Variants in PPP1R35 observed in about 807,000 individuals in gnomAD.
PPP1R35 encodes the protein UPF0683 protein C7orf47.
PPP1R35 carries 23 observed loss-of-function variants against 22.2 expected under a neutral mutation model. The ratio of observed to expected loss-of-function variants is 1.04; its 90% CI spans 0.75 to 1.47. PPP1R35 has a LOEUF of 1.47. PPP1R35 is among the 40% of genes most tolerant of loss of function. The pLI is 0.00. For missense variants in PPP1R35, 409 were observed against 349.6 expected, an observed-to-expected ratio of 1.17 and a Z score of -1.36; for synonymous variants, 198 against 165.7, an observed-to-expected ratio of 1.19 and a Z score of -1.50.
In PPP1R35 at chr7:100,436,384, T is replaced by C; in HGVS notation, c.-10A>G. The C allele has an allele frequency of 1.3e-6, 2 of 1,496,022 alleles. No homozygotes were observed. 92.7% of individuals were successfully genotyped at this position (1,496,022 alleles called of 1,614,324 possible). A position where few individuals can be genotyped will look rare whatever the true frequency, so the allele number is the denominator to read the frequency against. On this transcript the variant is annotated 5_prime_UTR_variant, in exon 1 of 4. Coordinates refer to ENST00000292330, the MANE Select transcript of PPP1R35 (RefSeq NM_145030.4). ...CACAACCCATCATCATCTTTGGAGG[T>C]GCCTTGAGGGTGCGGGGATGCGGGG...
Position 100,436,198 on chromosome 7 carries a change from G to A in PPP1R35, c.177C>T (p.Ser59=), listed in dbSNP as rs1288766689. The part of the protein sequence containing the change: ...RPDSPQPRHG[S]PGRRKGRAER... Reference sequence around the variant, plus strand: ...CCGCCCGCCCCTTCCGCCGCCCGGGGCTGCCGTGCCGCGGCTGAGGGCTGT... The same window carrying A: ...CCGCCCGCCCCTTCCGCCGCCCGGGACTGCCGTGCCGCGGCTGAGGGCTGT... The change falls in exon 1 of 4, where the codon AGC becomes AGT. Residue 59 remains serine, a synonymous_variant. Coordinates refer to ENST00000292330, the MANE Select transcript of PPP1R35 (RefSeq NM_145030.4). 38 of 1,242,668 alleles carry A rather than the reference G, an allele frequency of 3.1e-5. No individual in the cohort carries two copies. Among genetic ancestry groups the A allele is most frequent in the Non-Finnish European group, 3.8e-5 (38 of 995,542 alleles). 77.0% of individuals were successfully genotyped at this position (1,242,668 alleles called of 1,614,324 possible). A position where few individuals can be genotyped will look rare whatever the true frequency, so the allele number is the denominator to read the frequency against.
rs774905855 is a variant in PPP1R35, at chr7:100,435,416, G to T, written c.706C>A (p.Arg236Ser). Residue 236 changes from arginine to serine, a missense_variant, in exon 4 of 4, where the codon CGC (arginine) becomes AGC (serine). Physicochemically the swap from Arg to Ser is moderately radical, Grantham distance 110 (BLOSUM62 -1). Coordinates refer to ENST00000292330, the MANE Select transcript of PPP1R35 (RefSeq NM_145030.4). Reference protein sequence around the residue: ...LPPLRLQLRPRPSEDTFLMHR... With the variant: ...LPPLRLQLRPSPSEDTFLMHR... ...ATGAGGAAGGTGTCCTCTGAAGGGC[G>T]GGGCCGGAGTTGAAGTCGGAGAGGG... 1.2e-6 allele frequency: 2 copies of T among 1,612,496 alleles called. No homozygotes were observed. Among genetic ancestry groups the T allele is most frequent in the South Asian group, 2.2e-5 (2 of 90,970 alleles).
chr7:100,435,560 G>A lies in PPP1R35; in HGVS notation c.589-27C>T, dbSNP rs372531094. 40 of 1,614,092 alleles carry A rather than the reference G, an allele frequency of 2.5e-5. No homozygotes were observed. The African/African-American group carries it at 5.1e-4, about 20-fold the overall frequency. ...TGTTGGGAGGTTGGGCCCAAAGCAA[G>A]GTTACACTTTGGGAGGAAGGATCCG... On this transcript the variant is annotated intron_variant, in intron 3 of 3. Coordinates refer to ENST00000292330, the MANE Select transcript of PPP1R35 (RefSeq NM_145030.4).
upstream of PPP1R35, chr7:100,436,629 C>A: frequency 2.7e-6 from 1 of 370,684 alleles, no homozygotes; most frequent in Non-Finnish European, 4.8e-6. Context: ...GCCCCCAAGC[C>A]GAAGTGTTGG....
upstream of PPP1R35, chr7:100,436,683 T>C: frequency 3.7e-6 from 1 of 269,198 alleles, no homozygotes; most frequent in Non-Finnish European, 7.0e-6. Context: ...GAAGTGTTTT[T>C]GAGCTGGGGT....
intron 3 of PPP1R35, 24 bp from the exon 4 acceptor site, chr7:100,435,557 C>T (rs1404462072): frequency 2.5e-6 from 4 of 1,614,174 alleles, no homozygotes; most frequent in East Asian, 2.2e-5. Context: ...GGGCCCAAAG[C>T]AAGGTTACAC....
chr7:100,435,332 G>C lies in PPP1R35; in HGVS notation c.*28C>G. The stretch of plus-strand genomic sequence containing the variant: ...AACAAATAGTTTAACACAAAAATAC[G>C]AACTAGCCCTCCAGGGATCTTTGGG... On this transcript the variant is annotated 3_prime_UTR_variant, in exon 4 of 4. Transcript: ENST00000292330. 1 of 1,559,776 alleles carries C rather than the reference G, an allele frequency of 6.4e-7. No homozygotes were observed. Among genetic ancestry groups the C allele is most frequent in the Admixed American group, 2.2e-5 (1 of 45,896 alleles).
Position 100,435,688 on chromosome 7 carries a change from G to C in PPP1R35, c.531C>G (p.Ala177=). The C allele has an allele frequency of 6.2e-7, 1 of 1,608,642 alleles. No homozygotes were observed. Among genetic ancestry groups the C allele is most frequent in the Non-Finnish European group, 8.5e-7 (1 of 1,178,648 alleles). ...GGAGAGCCAATTTCTCCCTGAGCGC[G>C]GCATTCAGAACCTGTTCCTCCGGCA... The part of the protein sequence containing the change: ...LQVPEEQVLN[A]ALREKLALLP... The change falls in exon 3 of 4, where the codon GCC becomes GCG. Residue 177 remains alanine (A), a synonymous_variant. Coordinates refer to ENST00000292330, the MANE Select transcript of PPP1R35 (RefSeq NM_145030.4).
In PPP1R35 at chr7:100,435,773, A is replaced by C. The variant is rs1056347495; in HGVS notation, c.452-6T>G. ...GGAGCGCGGCACGTTCAGCCCTGAGAGCGCAGCGGGGACGGAGGTGAGTGG... is the reference window on the plus strand; with the variant it reads ...GGAGCGCGGCACGTTCAGCCCTGAGCGCGCAGCGGGGACGGAGGTGAGTGG... On this transcript the variant is annotated splice_polypyrimidine_tract_variant and splice_region_variant and intron_variant, in intron 2 of 3. Transcript: ENST00000292330. The C allele has an allele frequency of 3.1e-6, 5 of 1,597,224 alleles. No homozygotes were observed. The highest frequency in any genetic ancestry group is 1.3e-5 in the African/African-American group (1 of 74,836).
At position 100,435,412 on chromosome 7, in the gene PPP1R35, G is replaced by C; in HGVS notation, c.710C>G (p.Pro237Arg). Residue 237 changes from proline (P) to arginine (R), a missense_variant, in exon 4 of 4, where the codon CCT becomes CGT. Coordinates refer to ENST00000292330, the MANE Select transcript of PPP1R35 (RefSeq NM_145030.4). Reference sequence around the variant, plus strand: ...GTGCATGAGGAAGGTGTCCTCTGAAGGGCGGGGCCGGAGTTGAAGTCGGAG... The same window carrying C: ...GTGCATGAGGAAGGTGTCCTCTGAACGGCGGGGCCGGAGTTGAAGTCGGAG... ...PPLRLQLRPR[P>R]SEDTFLMHRT... 1 of 1,612,612 alleles carries C rather than the reference G, an allele frequency of 6.2e-7. No homozygotes were observed. The highest frequency in any genetic ancestry group is 8.5e-7 in the Non-Finnish European group (1 of 1,179,620).
Position 100,435,834 on chromosome 7 carries a change from C to T in PPP1R35, c.451+14G>A. ...CCCGACTCCCGCACGCGGCCGGCCG[C>T]CCGCCCCCCTCACCCTCGGACACGC... On this transcript the variant is annotated intron_variant, in intron 2 of 3. Transcript: ENST00000292330. 1 of 1,579,058 alleles carries T rather than the reference C, an allele frequency of 6.3e-7. No individual in the cohort carries two copies. The highest frequency in any genetic ancestry group is 8.6e-7 in the Non-Finnish European group (1 of 1,169,090).
Position 100,435,941 on chromosome 7 carries a change from C to G in PPP1R35, c.358G>C (p.Ala120Pro), listed in dbSNP as rs978462782. The change falls in exon 2 of 4, where the codon GCC (alanine) becomes CCC (proline). Residue 120 changes from alanine to proline, a missense_variant. Transcript: ENST00000292330. ...TTCGCAGCATCAAAGTGGCTCCCGG[C>G]TGCGGCCCGCAGCTCCAGGCCCAAG... The part of the protein sequence containing the change: ...LALGLELRAA[A>P]GSHFDAAKAV... The G allele has an allele frequency of 3.8e-6, 6 of 1,593,196 alleles. No individual in the cohort carries two copies. The highest frequency in any genetic ancestry group is 5.1e-6 in the Non-Finnish European group (6 of 1,175,282).
In PPP1R35 at chr7:100,435,617, C is replaced by G; in HGVS notation, c.588+14G>C. 2 of 1,613,682 alleles carry G rather than the reference C, an allele frequency of 1.2e-6. No individual in the cohort carries two copies. Among genetic ancestry groups the G allele is most frequent in the Non-Finnish European group, 1.7e-6 (2 of 1,179,920 alleles). On this transcript the variant is annotated intron_variant, in intron 3 of 3. Coordinates refer to ENST00000292330, the MANE Select transcript of PPP1R35 (RefSeq NM_145030.4). ...GGGGTACATGGAGGAAGCCCCACGC[C>G]CAGACCCCATCACCTTTGGGTGCGG... is the stretch of plus-strand genomic sequence containing the variant.
chr7:100,435,491 G>C lies in PPP1R35; in HGVS notation c.631C>G (p.Pro211Ala). The change falls in exon 4 of 4, where the codon CCA becomes GCA. Residue 211 changes from proline (P) to alanine (A), a missense_variant. Transcript: ENST00000292330. ...PGPDMTILCDPETLFYESPHL... is the reference protein window; with the variant it reads ...PGPDMTILCDAETLFYESPHL... The stretch of plus-strand genomic sequence containing the variant: ...GGAGATTCATAAAATAGCGTTTCTG[G>C]GTCACACAAGATGGTCATGTCTGGC... 3 of 1,613,994 alleles carry C rather than the reference G, an allele frequency of 1.9e-6. No individual in the cohort carries two copies. The highest frequency in any genetic ancestry group is 2.5e-6 in the Non-Finnish European group (3 of 1,180,000).
Position 100,435,535 on chromosome 7 carries a change from T to G in PPP1R35, c.589-2A>C. On this transcript the variant is annotated splice_acceptor_variant, in intron 3 of 3. Coordinates refer to ENST00000292330, the MANE Select transcript of PPP1R35 (RefSeq NM_145030.4). LOFTEE classifies it high-confidence loss of function. ...GTCTGGCCCAGGCCCAGGTGGCTCCTGTTGGGAGGTTGGGCCCAAAGCAAG... is the reference window on the plus strand; with the variant it reads ...GTCTGGCCCAGGCCCAGGTGGCTCCGGTTGGGAGGTTGGGCCCAAAGCAAG... 2 of 1,614,126 alleles carry G rather than the reference T, an allele frequency of 1.2e-6. No individual in the cohort carries two copies. Among genetic ancestry groups the G allele is most frequent in the South Asian group, 1.1e-5 (1 of 91,086 alleles).
Position 100,436,467 on chromosome 7 carries a change from C to G in PPP1R35, c.-93G>C, listed in dbSNP as rs1798899627. 5 of 953,910 alleles carry G rather than the reference C, an allele frequency of 5.2e-6. No individual in the cohort carries two copies. The highest frequency in any genetic ancestry group is 7.3e-6 in the Non-Finnish European group (5 of 681,504). The allele number at this position is 953,910 out of a possible 1,614,324, so 59.1% of individuals were successfully genotyped here. A position where few individuals can be genotyped will look rare whatever the true frequency, so the allele number is the denominator to read the frequency against. On this transcript the variant is annotated 5_prime_UTR_variant, in exon 1 of 4. Transcript: ENST00000292330. ...CCTGGCTGCCGCCTCCTTTCCCCCGCCCCTCCTAGACGCCGCTACCGGAAA... is the reference window on the plus strand; with the variant it reads ...CCTGGCTGCCGCCTCCTTTCCCCCGGCCCTCCTAGACGCCGCTACCGGAAA...
chr7:100,436,537 C>G (rs774357135), upstream of PPP1R35: 8 of 434,224 alleles, frequency 1.8e-5, no homozygotes, highest in Non-Finnish European at 3.2e-5. Context: ...GCCCCACCCA[C>G]CCTGTTGTCG....
Position 100,436,155 on chromosome 7 carries a change from G to C in PPP1R35, c.220C>G (p.Arg74Gly). 2 of 1,251,822 alleles carry C rather than the reference G, an allele frequency of 1.6e-6. No individual in the cohort carries two copies. The highest frequency in any genetic ancestry group is 3.3e-5 in the East Asian group (1 of 30,546). 77.5% of individuals were successfully genotyped at this position (1,251,822 alleles called of 1,614,324 possible). A position where few individuals can be genotyped will look rare whatever the true frequency, so the allele number is the denominator to read the frequency against. Residue 74 changes from arginine (R) to glycine (G), a missense_variant, in exon 1 of 4, where the codon CGG becomes GGG. Transcript: ENST00000292330. ...KGRAERRGAA[R>G]QRRQVRFRLT... The stretch of plus-strand genomic sequence containing the variant: ...CCCCCGCTCACCTGCCGCCGCTGCC[G>C]AGCCGCGCCCCGCCGCTCCGCCCGC...
Position 100,436,002 on chromosome 7 carries a change from C to T in PPP1R35, c.297G>A (p.Gln99=), listed in dbSNP as rs1375704135. The T allele has an allele frequency of 3.2e-6, 5 of 1,556,784 alleles. No homozygotes were observed. The South Asian group carries it at 4.7e-5, about 14-fold the overall frequency. ...TCTTCAGCACGGGCATCTCCAGCTC[C>T]TGCGGCACCGCAGGCTGCGGCTCGG... ...VRSEPQPAVP[Q]ELEMPVLKSS... Residue 99 remains glutamine, a synonymous_variant, in exon 2 of 4, where the codon CAG becomes CAA. Coordinates refer to ENST00000292330, the MANE Select transcript of PPP1R35 (RefSeq NM_145030.4).
Sources: gnomAD v4.1 joint callset for allele counts on GRCh38, gnomAD v4.1.1 for gene constraint, MANE v1.5 for transcripts, NCBI Gene and HGNC (gene_info 2026-07-23, HGNC 2026-07-21) for gene names.